Variants in GRPR observed in about 807,000 individuals in gnomAD.
GRPR encodes the protein gastrin releasing peptide receptor, also known as gastrin-releasing peptide receptor.
GRPR carries 4 observed loss-of-function variants against 15.6 expected under a neutral mutation model. The ratio of observed to expected loss-of-function variants is 0.26; its 90% CI spans 0.13 to 0.59. The LOEUF is 0.59. Among genes scored for constraint, GRPR ranks in the 20% least tolerant of loss-of-function variants. GRPR has a pLI of 0.90. For synonymous variants in GRPR, 128 were observed against 126.8 expected, an observed-to-expected ratio of 1.01 and a Z score of -0.06; for missense variants, 270 against 304.1, an observed-to-expected ratio of 0.89 and a Z score of 0.83.
chrX:16,138,456 TTTTG>T (rs747449283), intron 1 of GRPR, among the ~76,000 whole-genome samples: 230 of 112,133 alleles, frequency 2.1e-3, no homozygotes, highest in Non-Finnish European at 3.6e-3. Context: ...TACAGATGAT[TTTTG>T]TTTGTTTTTA....
intron 1 of GRPR, among the ~76,000 whole-genome samples, chrX:16,130,852 A>C (rs1394336736): frequency 8.9e-6 from 1 of 112,505 alleles, no homozygotes; most frequent in Non-Finnish European, 1.9e-5. Context: ...CCTCTCTGGA[A>C]GGAAACTCAA....
At chrX:16,151,684 C>G (rs1292169538) in intron 2 of GRPR, among the ~76,000 whole-genome samples, 1 of 112,048 alleles carries the variant, frequency 8.9e-6, no homozygotes, top group Non-Finnish European at 1.9e-5. Context: ...GCCACAGTCT[C>G]TTTCTATAGA....
chrX:16,123,889 T>A lies in GRPR; in HGVS notation c.-65T>A. On this transcript the variant is annotated 5_prime_UTR_variant, in exon 1 of 3. In the 5' UTR this introduces an upstream ATG that the reference lacks. Transcript: ENST00000380289. ...AGATCTTATCTTCATCTTCACTCGG[T>A]TGCAAAATCAATAGTTAAGAAATAG... The A allele has an allele frequency of 1.1e-6, 1 of 925,203 alleles. No homozygotes were observed. Among genetic ancestry groups the A allele is most frequent in the Admixed American group, 2.2e-5 (1 of 45,450 alleles). 76.2% of individuals were successfully genotyped at this position (925,203 alleles called of 1,213,427 possible).
In GRPR at chrX:16,138,360, G is replaced by A. The variant is rs181115756; in HGVS notation, c.414-11945G>A. On this transcript the variant is annotated intron_variant, in intron 1 of 2. Transcript: ENST00000380289. The stretch of plus-strand genomic sequence containing the variant: ...TTTATGCTATAGATCATTAAGAAAA[G>A]ATACAGAATTGTATGCTCTCAATTC... Among the ~76,000 whole-genome samples, 447 of 111,860 alleles carry A rather than the reference G, an allele frequency of 4.0e-3. 4 individuals carry two copies. The highest frequency in any genetic ancestry group is 0.014 in the African/African-American group (430 of 30,825).
At chrX:16,128,689 C>T (rs1922333373) in intron 1 of GRPR, among the ~76,000 whole-genome samples, 1 of 110,424 alleles carries the variant, frequency 9.1e-6, no homozygotes, top group Admixed American at 9.7e-5. Flanking sequence ...GGCTGGCTAG[C>T]TGATTGGGTG....
intron 1 of GRPR, among the ~76,000 whole-genome samples, chrX:16,130,831 C>T (rs1217011217): frequency 8.9e-6 from 1 of 112,504 alleles, no homozygotes; most frequent in East Asian, 2.8e-4. Flanking sequence ...TTTTCTGAAA[C>T]ACATGCTGCC....
intron 1 of GRPR, among the ~76,000 whole-genome samples, chrX:16,147,081 T>A (rs145234459): frequency 0.011 from 1,228 of 111,973 alleles, 15 homozygotes; most frequent in Non-Finnish European, 0.019. Flanking sequence ...ATTTGCTATG[T>A]TCTGAACATA....
rs755772969 is a variant in GRPR at position 16,148,550 on chromosome X, TATAAA to T, written c.414-1753_414-1749del. 1.3e-4 allele frequency among the ~76,000 whole-genome samples: 14 copies of T among 111,719 alleles called. No homozygotes were observed. The East Asian group carries it at 3.9e-3, about 31-fold the overall frequency. On this transcript the variant is annotated intron_variant, in intron 1 of 2. Transcript: ENST00000380289. ...TATTCCCCTTCCCTGAAGTCCATGATATAAAAGAGTATCATAAGTAGAGTCCAGTT... is the reference window on the plus strand; with the variant it reads ...TATTCCCCTTCCCTGAAGTCCATGATAGAGTATCATAAGTAGAGTCCAGTT...
At chrX:16,131,296 GA>G (rs779575206) in intron 1 of GRPR, among the ~76,000 whole-genome samples, 34 of 110,048 alleles carry the variant, frequency 3.1e-4, no homozygotes, top group African/African-American at 8.6e-4. Flanking sequence ...CAGAATAAAA[GA>G]AAAAAAAATT....
chrX:16,130,861 A>G (rs1175442977), intron 1 of GRPR, among the ~76,000 whole-genome samples: 2 of 112,414 alleles, frequency 1.8e-5, no homozygotes, highest in Non-Finnish European at 3.8e-5. Flanking sequence ...AAGGAAACTC[A>G]ACTCATGTCT....
At chrX:16,145,117 G>C (rs756287909) in intron 1 of GRPR, among the ~76,000 whole-genome samples, 2 of 111,609 alleles carry the variant, frequency 1.8e-5, no homozygotes, top group Non-Finnish European at 3.8e-5. Context: ...GCTAAAAATA[G>C]AGCTACCATA....
At chrX:16,137,163 A>G (rs1439130341) in intron 1 of GRPR, among the ~76,000 whole-genome samples, 4 of 111,874 alleles carry the variant, frequency 3.6e-5, no homozygotes, top group Non-Finnish European at 7.5e-5. Flanking sequence ...GTTTTGAGGC[A>G]CTGTCATATC....
At chrX:16,143,269 T>C (rs929039979) in intron 1 of GRPR, among the ~76,000 whole-genome samples, 4 of 111,978 alleles carry the variant, frequency 3.6e-5, no homozygotes, top group Non-Finnish European at 5.6e-5. Context: ...CCCATCCTGG[T>C]GGGAAAAACT....
intron 1 of GRPR, among the ~76,000 whole-genome samples, chrX:16,137,799 T>A (rs1922472173): frequency 9.0e-6 from 1 of 111,502 alleles, no homozygotes; most frequent in African/African-American, 3.3e-5. Context: ...CTTGAGCATC[T>A]TGAACCCATT....
chrX:16,138,795 A>G, intron 1 of GRPR, among the ~76,000 whole-genome samples: 1 of 112,057 alleles, frequency 8.9e-6, no homozygotes, highest in East Asian at 2.8e-4. Context: ...AGTGGCAGTA[A>G]GGACATTCAC....
At chrX:16,139,121 T>C (rs1922491036) in intron 1 of GRPR, among the ~76,000 whole-genome samples, 1 of 112,074 alleles carries the variant, frequency 8.9e-6, no homozygotes, top group African/African-American at 3.2e-5. Flanking sequence ...GGGGAGAGGA[T>C]CATCTACTTT....
At chrX:16,127,548 G>T (rs191180692) in intron 1 of GRPR, among the ~76,000 whole-genome samples, 2 of 110,860 alleles carry the variant, frequency 1.8e-5, no homozygotes, top group Non-Finnish European at 3.8e-5. Context: ...GGCTTATGCT[G>T]TGTCCCACCC....
intron 2 of GRPR, among the ~76,000 whole-genome samples, chrX:16,150,880 A>C (rs1056129690): frequency 8.9e-6 from 1 of 112,224 alleles, no homozygotes; most frequent in Non-Finnish European, 1.9e-5. Flanking sequence ...TGAACCTGAA[A>C]TATTTCAAGT....
At chrX:16,125,690 A>G (rs1206836625) in intron 1 of GRPR, among the ~76,000 whole-genome samples, 1 of 112,305 alleles carries the variant, frequency 8.9e-6, no homozygotes, top group East Asian at 2.8e-4. Flanking sequence ...CCAGCACACG[A>G]CATTTTCAAA....
Sources: allele counts gnomAD v4.1 joint callset (sites outside exome capture counted in the v4.1 genomes callset), GRCh38; gene constraint gnomAD v4.1.1; transcripts MANE v1.5; gene names NCBI Gene and HGNC (gene_info 2026-07-23, HGNC 2026-07-21).